The following PARK7 variants were observed in gnomAD, a reference collection of about 807,000 sequenced individuals.
PARK7 encodes the protein Parkinsonism associated deglycase.
A neutral mutation model predicts 20.5 loss-of-function variants in PARK7; 14 were observed. That is an observed-to-expected ratio of 0.68 (90% CI 0.45 to 1.07). The LOEUF (loss-of-function observed/expected upper bound fraction) is 1.07. PARK7 is among the 50% of genes least tolerant of loss of function. PARK7 has a pLI of 0.00. For synonymous variants in PARK7, 98 were observed against 84.3 expected, an observed-to-expected ratio of 1.16 and a Z score of -0.89; for missense variants, 234 against 238.1, an observed-to-expected ratio of 0.98 and a Z score of 0.11.
chr1:7,979,474 T>C (rs760607519), intron 6 of PARK7, among the ~76,000 whole-genome samples: 3 of 152,172 alleles, frequency 2.0e-5, no homozygotes, highest in African/African-American at 2.4e-5. Flanking sequence ...TCCAGAGCAG[T>C]GTTTTCCTGA....
At chr1:7,964,324 C>A (rs1306139209) in intron 2 of PARK7, among the ~76,000 whole-genome samples, 1 of 152,138 alleles carries the variant, frequency 6.6e-6, no homozygotes, top group African/African-American at 2.4e-5. Context: ...GGCACAGAGA[C>A]ATAAATAATG....
chr1:7,969,338 G>A lies in PARK7; in HGVS notation c.193-7G>A. 6.2e-7 allele frequency: 1 copy of A among 1,607,320 alleles called. No homozygotes were observed. The highest frequency in any genetic ancestry group is 1.3e-5 in the African/African-American group (1 of 74,852). On this transcript the variant is annotated splice_polypyrimidine_tract_variant and splice_region_variant and intron_variant, in intron 3 of 6. Coordinates refer to ENST00000338639, the MANE Select transcript of PARK7 (RefSeq NM_007262.5). ...TTTTGTTTTCTTTATGTTTTAAACT[G>A]TTACAGGGACCATATGATGTGGTGG...
intron 5 of PARK7, 47 bp from the exon 6 acceptor site, chr1:7,977,605 T>C: frequency 6.5e-7 from 1 of 1,549,198 alleles, no homozygotes; most frequent in Non-Finnish European, 8.9e-7. Context: ...TTTTTAAACA[T>C]GGGCTTTTCT....
At chr1:7,964,424 T>G (rs542368473) in intron 2 of PARK7, among the ~76,000 whole-genome samples, 1 of 152,290 alleles carries the variant, frequency 6.6e-6, no homozygotes, top group East Asian at 1.9e-4. Flanking sequence ...CCTCTGGTTC[T>G]CAGAAATGAA....
intron 2 of PARK7, among the ~76,000 whole-genome samples, chr1:7,963,402 G>C (rs80305167): frequency 9.9e-6 from 1 of 101,004 alleles, no homozygotes; most frequent in Admixed American, 1.2e-4. Context: ...TTTTTTTTTT[G>C]AGATGGTGTC....
chr1:7,983,653 C>T (rs1338528699), intron 6 of PARK7, among the ~76,000 whole-genome samples: 1 of 152,250 alleles, frequency 6.6e-6, no homozygotes, highest in Non-Finnish European at 1.5e-5. Context: ...AAGGGCTTTC[C>T]ATGGGGAACT....
At chr1:7,978,581 C>T (rs556950956) in intron 6 of PARK7, among the ~76,000 whole-genome samples, 4 of 152,078 alleles carry the variant, frequency 2.6e-5, no homozygotes, top group South Asian at 4.1e-4. Flanking sequence ...CAGTGGCTTC[C>T]GCCTGTAATC....
chr1:7,976,506 G>C (rs1640586320), intron 5 of PARK7, among the ~76,000 whole-genome samples: 1 of 152,136 alleles, frequency 6.6e-6, no homozygotes, highest in Non-Finnish European at 1.5e-5. Context: ...GTTAGGACCT[G>C]CCAATTTGGA....
chr1:7,964,405 C>T (rs181767109), intron 2 of PARK7, among the ~76,000 whole-genome samples: 371 of 152,280 alleles, frequency 2.4e-3, no homozygotes, highest in African/African-American at 8.3e-3. Flanking sequence ...AGTCTGTTAA[C>T]CCTATACTCC....
chr1:7,970,619 C>T (rs1640445413), intron 4 of PARK7, among the ~76,000 whole-genome samples: 2 of 152,178 alleles, frequency 1.3e-5, no homozygotes, highest in African/African-American at 4.8e-5. Flanking sequence ...TTTCTTTCTC[C>T]CTGGAGTACA....
intron 6 of PARK7, among the ~76,000 whole-genome samples, chr1:7,981,533 A>C (rs1043438126): frequency 1.3e-5 from 2 of 152,200 alleles, no homozygotes; most frequent in African/African-American, 4.8e-5. Flanking sequence ...GCACCTCCAC[A>C]ATAGCTACAG....
intron 6 of PARK7, among the ~76,000 whole-genome samples, chr1:7,979,802 C>T (rs561887107): frequency 6.6e-6 from 1 of 152,260 alleles, no homozygotes; most frequent in African/African-American, 2.4e-5. Context: ...GTGCCCCGCT[C>T]ATGGTTTTAT....
intron 5 of PARK7, among the ~76,000 whole-genome samples, chr1:7,972,882 T>C (rs1475592474): frequency 6.6e-6 from 1 of 152,090 alleles, no homozygotes; most frequent in Non-Finnish European, 1.5e-5. Context: ...CTACTAAAAA[T>C]ACAAAAGTTA....
chr1:7,969,970 T>C (rs939813283), intron 4 of PARK7, among the ~76,000 whole-genome samples: 36 of 152,120 alleles, frequency 2.4e-4, no homozygotes, highest in African/African-American at 7.2e-4. Context: ...GACAGGAGGA[T>C]TGCTTGAGGC....
chr1:7,977,762 T>A (rs969740477), intron 6 of PARK7, 24 bp downstream of exon 6: 3 of 1,604,366 alleles, frequency 1.9e-6, no homozygotes, highest in African/African-American at 2.7e-5. Flanking sequence ...TGTTTTTGTT[T>A]GTTTGTTTGT....
intron 5 of PARK7, 97 bp downstream of exon 5, chr1:7,971,060 A>C (rs1270652344): frequency 1.6e-6 from 2 of 1,271,320 alleles, no homozygotes; most frequent in Non-Finnish European, 1.1e-6. Flanking sequence ...CCCTTCATAA[A>C]GCATGCAGGG....
intron 6 of PARK7, among the ~76,000 whole-genome samples, chr1:7,980,889 A>G (rs538910987): frequency 1.3e-5 from 2 of 151,526 alleles, no homozygotes; most frequent in African/African-American, 4.8e-5. Context: ...CTTTTTTTTG[A>G]TAGATTCAGG....
At chr1:7,970,447 A>G (rs772870333) in intron 4 of PARK7, among the ~76,000 whole-genome samples, 2 of 152,178 alleles carry the variant, frequency 1.3e-5, no homozygotes, top group African/African-American at 4.8e-5. Context: ...TTTAAGTCGT[A>G]TGTGAGGAGT....
Position 7,977,604 on chromosome 1 carries a change from A to G in PARK7, c.323-48A>G, listed in dbSNP as rs72854880. 15,749 of 1,547,960 alleles carry G rather than the reference A, an allele frequency of 0.01. 1,327 individuals are homozygous for G. In the African/African-American group the frequency reaches 0.19, roughly 18 times the overall value. On this transcript the variant is annotated intron_variant, in intron 5 of 6. Coordinates refer to ENST00000338639, the MANE Select transcript of PARK7 (RefSeq NM_007262.5). Reference sequence around the variant, plus strand: ...CAGGCACTATTGCGATTTTTTAAACATGGGCTTTTCTATATCTGCACTTAG... The same window carrying G: ...CAGGCACTATTGCGATTTTTTAAACGTGGGCTTTTCTATATCTGCACTTAG...
Sources: allele counts gnomAD v4.1 joint callset (sites outside exome capture counted in the v4.1 genomes callset), GRCh38; gene constraint gnomAD v4.1.1; transcripts MANE v1.5; gene names NCBI Gene and HGNC (gene_info 2026-07-23, HGNC 2026-07-21).